The following DYM variants were observed in gnomAD, a reference collection of about 807,000 sequenced individuals.
DYM encodes the protein dymeclin.
Under a neutral mutation model 93.1 loss-of-function variants are expected in DYM, and 78 were observed. The observed-to-expected ratio is 0.84, with a 90% CI of 0.70 to 1.01. The LOEUF is 1.01. Among genes scored for constraint, DYM ranks in the 50% least tolerant of loss-of-function variants. The pLI, the probability that DYM is intolerant of heterozygous loss-of-function variation, is 0.00. For missense variants in DYM, 789 were observed against 845.0 expected (o/e 0.93, Z 0.82); for synonymous variants, 321 against 319.7 (o/e 1.00, Z -0.04).
chr18:49,336,103 C>CAT (rs2063650697), intron 6 of DYM, among the ~76,000 whole-genome samples: 1 of 152,140 alleles, frequency 6.6e-6, no homozygotes. Context: ...CATGAGCCAT[C>CAT]GTGCCAGACT....
chr18:49,144,780 T>C (rs1252771700), intron 15 of DYM, among the ~76,000 whole-genome samples: 3 of 152,008 alleles, frequency 2.0e-5, no homozygotes, highest in African/African-American at 4.8e-5. Flanking sequence ...TAAATCTGCA[T>C]ATAATGTTTC....
rs562369465 is a variant in DYM at position 49,148,562 on chromosome 18, G to C, written c.1728+15123C>G. 3.9e-5 allele frequency among the ~76,000 whole-genome samples: 6 copies of C among 152,096 alleles called. No individual in the cohort carries two copies. In the East Asian group the frequency reaches 7.7e-4, roughly 20 times the overall value. On this transcript the variant is annotated intron_variant, in intron 15 of 17. Coordinates refer to ENST00000675505, the MANE Select transcript of DYM (RefSeq NM_001353214.3). ...GCAAGCCCCGGCACCAAGCCTTTAA[G>C]ATACATGTTAAATACAAGAAAATCA...
At chr18:49,187,357 C>T (rs1948097545) in intron 14 of DYM, among the ~76,000 whole-genome samples, 1 of 152,178 alleles carries the variant, frequency 6.6e-6, no homozygotes, top group Non-Finnish European at 1.5e-5. Context: ...CATTTGTTCA[C>T]ATTGACAGTA....
At chr18:49,443,501 TCA>T (rs1412119197) in intron 1 of DYM, among the ~76,000 whole-genome samples, 1 of 152,226 alleles carries the variant, frequency 6.6e-6, no homozygotes, top group Non-Finnish European at 1.5e-5. Context: ...CACTTGTAAG[TCA>T]CAGTGGACTG....
At chr18:49,317,688 C>CCTTCCTTCCTTT (rs1555690626) in intron 8 of DYM, among the ~76,000 whole-genome samples, 1 of 88,634 alleles carries the variant, frequency 1.1e-5, no homozygotes, top group African/African-American at 4.4e-5. Flanking sequence ...TTCCTTCCTT[C>CCTTCCTTCCTTT]CTTTCTTTCT....
At chr18:49,169,092 T>C (rs2088305698) in intron 14 of DYM, among the ~76,000 whole-genome samples, 1 of 152,160 alleles carries the variant, frequency 6.6e-6, no homozygotes, top group Non-Finnish European at 1.5e-5. Flanking sequence ...GTCAAATATT[T>C]ACCCAGCGCC....
In DYM at chr18:49,460,579, C is replaced by G. The variant is rs908275205; in HGVS notation, c.-235G>C. On this transcript the variant is annotated 5_prime_UTR_variant, in exon 1 of 18. Coordinates refer to ENST00000675505, the MANE Select transcript of DYM (RefSeq NM_001353214.3). The stretch of plus-strand genomic sequence containing the variant: ...TCCGGCTCCGGTCCGGCCTGCAGCT[C>G]GGCCCCGGCTCGGCTCCAGCCCGGG... 1.3e-5 allele frequency: 2 copies of G among 152,130 alleles called. No individual in the cohort carries two copies. Among genetic ancestry groups the G allele is most frequent in the African/African-American group, 2.4e-5 (1 of 41,406 alleles). 9.4% of individuals were successfully genotyped at this position (152,130 alleles called of 1,614,324 possible).
chr18:49,432,162 G>T (rs76674654), intron 1 of DYM, among the ~76,000 whole-genome samples: 1 of 151,640 alleles, frequency 6.6e-6, no homozygotes, highest in Admixed American at 6.6e-5. Flanking sequence ...CACCTGAGGC[G>T]ATCTACTCAA....
At chr18:49,060,201 T>A (rs961432632) in intron 17 of DYM, among the ~76,000 whole-genome samples, 2 of 152,154 alleles carry the variant, frequency 1.3e-5, no homozygotes, top group Non-Finnish European at 2.9e-5. Flanking sequence ...ACAAACTGGG[T>A]GCCCAGGACC....
chr18:49,371,510 A>C (rs982695191), intron 5 of DYM, among the ~76,000 whole-genome samples: 5 of 152,190 alleles, frequency 3.3e-5, no homozygotes, highest in African/African-American at 1.2e-4. Flanking sequence ...CATCAAATAC[A>C]CAAGGAAACA....
intron 15 of DYM, among the ~76,000 whole-genome samples, chr18:49,140,000 C>G (rs1246087069): frequency 7.9e-5 from 12 of 152,154 alleles, no homozygotes; most frequent in South Asian, 4.1e-4. Flanking sequence ...AATTTGCGTG[C>G]TTTTATAACT....
At chr18:49,326,464 T>C (rs1183772153) in intron 8 of DYM, among the ~76,000 whole-genome samples, 2 of 151,668 alleles carry the variant, frequency 1.3e-5, no homozygotes, top group South Asian at 2.1e-4. Flanking sequence ...CTTGACACAT[T>C]TGAAAAGCTT....
intron 14 of DYM, among the ~76,000 whole-genome samples, chr18:49,168,089 C>T (rs1416626376): frequency 6.6e-6 from 1 of 152,088 alleles, no homozygotes; most frequent in Non-Finnish European, 1.5e-5. Flanking sequence ...CAATATTACA[C>T]ATCATTTACA....
chr18:49,191,374 A>C (rs1369403022), intron 14 of DYM, among the ~76,000 whole-genome samples: 2 of 152,182 alleles, frequency 1.3e-5, no homozygotes, highest in African/African-American at 4.8e-5. Context: ...ATCTGCCTAT[A>C]AATGCTTACT....
intron 15 of DYM, among the ~76,000 whole-genome samples, chr18:49,156,602 C>CT (rs2086472459): frequency 6.6e-6 from 1 of 151,762 alleles, no homozygotes; most frequent in South Asian, 2.1e-4. Flanking sequence ...CGTGGTGGTG[C>CT]ATGCCTATAG....
chr18:49,385,378 G>A (rs745781882), intron 3 of DYM, among the ~76,000 whole-genome samples: 4 of 152,188 alleles, frequency 2.6e-5, no homozygotes, highest in South Asian at 2.1e-4. Flanking sequence ...ACCAATGGAC[G>A]TCTTATTTAC....
intron 6 of DYM, among the ~76,000 whole-genome samples, chr18:49,359,516 C>T (rs951606350): frequency 6.6e-6 from 1 of 152,174 alleles, no homozygotes; most frequent in African/African-American, 2.4e-5. Flanking sequence ...TAATGAACTT[C>T]TGGGAGTTTA....
intron 13 of DYM, among the ~76,000 whole-genome samples, chr18:49,235,812 T>A (rs1598818438): frequency 6.8e-6 from 1 of 148,072 alleles, no homozygotes; most frequent in South Asian, 2.2e-4. Context: ...ATGCCTAAAA[T>A]CTTTCGATCA....
At chr18:49,107,534 A>G (rs967646470) in intron 16 of DYM, among the ~76,000 whole-genome samples, 4 of 151,826 alleles carry the variant, frequency 2.6e-5, no homozygotes, top group African/African-American at 9.7e-5. Context: ...CATCTTTGTG[A>G]TTTTATCTAC....
Sources: allele counts gnomAD v4.1 joint callset (sites outside exome capture counted in the v4.1 genomes callset), GRCh38; gene constraint gnomAD v4.1.1; transcripts MANE v1.5; gene names NCBI Gene and HGNC (gene_info 2026-07-23, HGNC 2026-07-21).